Variants in LAMA2 observed in about 807,000 individuals in gnomAD.
LAMA2 encodes the protein laminin subunit alpha 2, also known as laminin subunit alpha-2.
Under a neutral mutation model 364.8 loss-of-function variants are expected in LAMA2, and 269 were observed. The observed-to-expected ratio is 0.74, with a 90% CI of 0.67 to 0.82. The LOEUF is 0.82. Ranked by LOEUF, LAMA2 falls within the 40% of genes least tolerant of loss-of-function variation. LAMA2 has a pLI of 0.00. For synonymous variants in LAMA2, 1,379 were observed against 1,370.6 expected (o/e 1.01, Z -0.14); for missense variants, 3,807 against 3,873.2 (o/e 0.98, Z 0.45).
intron 34 of LAMA2, among the ~76,000 whole-genome samples, chr6:129,375,568 C>A (rs1778326156): frequency 6.6e-6 from 1 of 152,186 alleles, no homozygotes; most frequent in Admixed American, 6.5e-5. Context: ...TTCCTTCCTT[C>A]TTAACATACT....
At chr6:129,128,364 G>C (rs1001701524) in intron 4 of LAMA2, among the ~76,000 whole-genome samples, 1 of 151,940 alleles carries the variant, frequency 6.6e-6, no homozygotes, top group Non-Finnish European at 1.5e-5. Context: ...TTTCTTTTTT[G>C]CCAGTACCAT....
intron 3 of LAMA2, among the ~76,000 whole-genome samples, chr6:129,077,906 G>A (rs1773763315): frequency 6.6e-6 from 1 of 152,182 alleles, no homozygotes. Flanking sequence ...GGATTTTTAA[G>A]GCAGTGAAAA....
intron 17 of LAMA2, among the ~76,000 whole-genome samples, chr6:129,271,826 T>C (rs879653305): frequency 2.0e-5 from 3 of 152,156 alleles, no homozygotes; most frequent in Admixed American, 6.5e-5. Context: ...AGCTATAGTC[T>C]TTTAATGTGT....
At chr6:129,013,666 A>G (rs1784905656) in intron 1 of LAMA2, among the ~76,000 whole-genome samples, 1 of 152,114 alleles carries the variant, frequency 6.6e-6, no homozygotes, top group Admixed American at 6.6e-5. Flanking sequence ...AGGCATTTTC[A>G]TTTTATTCTT....
intron 33 of LAMA2, among the ~76,000 whole-genome samples, 166 bp downstream of exon 33, chr6:129,366,527 A>G (rs1281742834): frequency 6.6e-6 from 1 of 151,978 alleles, no homozygotes; most frequent in Non-Finnish European, 1.5e-5. Flanking sequence ...AAACTCAAGA[A>G]CTATAATATA....
chr6:129,120,915 T>C (rs114208582), intron 4 of LAMA2, among the ~76,000 whole-genome samples: 3,659 of 152,306 alleles, frequency 0.024, 150 homozygotes, highest in African/African-American at 0.078. Flanking sequence ...AGCCTTTATT[T>C]AAAAAATAGC....
chr6:129,020,589 A>G (rs1375449955), intron 1 of LAMA2, among the ~76,000 whole-genome samples: 1 of 152,178 alleles, frequency 6.6e-6, no homozygotes. Context: ...TATCATGAAG[A>G]TAAAGTCTCT....
At chr6:129,043,579 C>T (rs1383066295) in intron 1 of LAMA2, among the ~76,000 whole-genome samples, 6 of 152,132 alleles carry the variant, frequency 3.9e-5, no homozygotes, top group Non-Finnish European at 7.4e-5. Flanking sequence ...CTTGAAGATG[C>T]TTGTTTGCTT....
chr6:129,377,391 GATAT>G (rs770573062), intron 34 of LAMA2, among the ~76,000 whole-genome samples: 1 of 151,706 alleles, frequency 6.6e-6, no homozygotes, highest in Non-Finnish European at 1.5e-5. Flanking sequence ...ATTTTTAAAA[GATAT>G]ATATATAATA....
At chr6:129,353,477 T>G in intron 32 of LAMA2, 120 bp downstream of exon 32, 2 of 771,014 alleles carry the variant, frequency 2.6e-6, no homozygotes, top group Non-Finnish European at 4.4e-6. Flanking sequence ...ATAGTTATAC[T>G]CTTCATTCTT....
chr6:128,937,312 G>A (rs1207536673), intron 1 of LAMA2, among the ~76,000 whole-genome samples: 1 of 152,020 alleles, frequency 6.6e-6, no homozygotes, highest in Non-Finnish European at 1.5e-5. Context: ...CAGAGATATT[G>A]GCCTGTAATT....
chr6:129,287,969 T>G lies in LAMA2; in HGVS notation c.2660T>G (p.Leu887Arg), dbSNP rs1260345597. 3 of 1,613,996 alleles carry G rather than the reference T, an allele frequency of 1.9e-6. No individual in the cohort carries two copies. The Admixed American group carries it at 5.0e-5, about 27-fold the overall frequency. The change falls in exon 19 of 65, where the codon CTG (leucine) becomes CGG (arginine). Residue 887 changes from leucine (L) to arginine (R), a missense_variant. Transcript: ENST00000421865. ...GSCDSLSGSC[L>R]ICKPGTTGRY... is the part of the protein sequence containing the mutation. ...TGTGACAGCTTGTCTGGCTCCTGTC[T>G]GATATGTAAACCAGGTACAACAGGC...
chr6:129,278,384 G>A (rs906424781), intron 17 of LAMA2, among the ~76,000 whole-genome samples: 1 of 152,160 alleles, frequency 6.6e-6, no homozygotes, highest in Non-Finnish European at 1.5e-5. Flanking sequence ...CTCAGTAGAT[G>A]ATGAGATAGT....
intron 4 of LAMA2, among the ~76,000 whole-genome samples, chr6:129,123,805 A>T (rs1776950173): frequency 6.6e-6 from 1 of 152,226 alleles, no homozygotes; most frequent in Non-Finnish European, 1.5e-5. Context: ...AGTCCTCGAG[A>T]TCTACTGTAC....
At chr6:129,387,206 T>G (rs976139091) in intron 35 of LAMA2, among the ~76,000 whole-genome samples, 5 of 152,212 alleles carry the variant, frequency 3.3e-5, no homozygotes, top group Admixed American at 6.5e-5. Flanking sequence ...CACAGAATGT[T>G]CAGGTTTGTT....
intron 1 of LAMA2, among the ~76,000 whole-genome samples, chr6:128,947,351 A>G (rs529247757): frequency 6.6e-6 from 1 of 152,310 alleles, no homozygotes; most frequent in Admixed American, 6.5e-5. Flanking sequence ...ATGAAAATTA[A>G]TTGCTATTTA....
intron 8 of LAMA2, among the ~76,000 whole-genome samples, chr6:129,164,239 T>C (rs577462590): frequency 8.9e-4 from 136 of 152,294 alleles, no homozygotes; most frequent in African/African-American, 3.2e-3. Context: ...AGCATAGATA[T>C]GCTGGACAAG....
chr6:129,449,081 A>T (rs1037818568), intron 45 of LAMA2, among the ~76,000 whole-genome samples: 20 of 152,348 alleles, frequency 1.3e-4, no homozygotes, highest in African/African-American at 4.8e-4. Context: ...ACTACTGATT[A>T]TGTACTGGCT....
intron 1 of LAMA2, among the ~76,000 whole-genome samples, chr6:128,893,732 T>G (rs1776601664): frequency 6.6e-6 from 1 of 152,050 alleles, no homozygotes; most frequent in Non-Finnish European, 1.5e-5. Flanking sequence ...ATGGTATATC[T>G]ACTATTTGAT....
Sources: gnomAD v4.1 joint callset for allele counts (sites outside exome capture counted in the v4.1 genomes callset) on GRCh38, gnomAD v4.1.1 for gene constraint, MANE v1.5 for transcripts, NCBI Gene and HGNC (gene_info 2026-07-23, HGNC 2026-07-21) for gene names.